Variants in IL18 observed in about 807,000 individuals in gnomAD.
IL18 encodes the protein interleukin 18, also known as interleukin-18.
Under a neutral mutation model 14.2 loss-of-function variants are expected in IL18, and 8 were observed. The ratio of observed to expected loss-of-function variants is 0.56; its 90% CI spans 0.33 to 1.01. The LOEUF (loss-of-function observed/expected upper bound fraction) is 1.01. IL18 is among the 50% of genes least tolerant of loss of function. The pLI is 0.03. For synonymous variants in IL18, 67 were observed against 71.0 expected, an observed-to-expected ratio of 0.94 and a Z score of 0.28; for missense variants, 166 against 231.1, an observed-to-expected ratio of 0.72 and a Z score of 1.83.
rs536102622 is a variant in IL18 at position 112,161,569 on chromosome 11, C to T, written c.-9+2337G>A. On this transcript the variant is annotated intron_variant, in intron 1 of 5. Coordinates refer to ENST00000280357, the MANE Select transcript of IL18 (RefSeq NM_001562.4). ...ATACCAGCACTTTGGGAGGCCGAGG[C>T]GGCTGGATCACTTGAGGTCAGGAGT... 3.9e-4 allele frequency among the ~76,000 whole-genome samples: 59 copies of T among 152,270 alleles called. 1 individual carries two copies. Among genetic ancestry groups the T allele is most frequent in the East Asian group, 9.7e-4 (5 of 5,178 alleles).
At chr11:112,155,808 C>G (rs1022492664) in intron 1 of IL18, among the ~76,000 whole-genome samples, 1 of 152,106 alleles carries the variant, frequency 6.6e-6, no homozygotes, top group South Asian at 2.1e-4. Flanking sequence ...TAGGAGTTCT[C>G]AGTGTGAGAA....
At chr11:112,145,696 G>A (rs1271259247) in intron 5 of IL18, among the ~76,000 whole-genome samples, 1 of 151,770 alleles carries the variant, frequency 6.6e-6, no homozygotes, top group Non-Finnish European at 1.5e-5. Flanking sequence ...CTGAGATCGT[G>A]CCACTGCACT....
Position 112,143,558 on chromosome 11 carries a change from A to G in IL18, c.*38T>C, listed in dbSNP as rs1230501865. The G allele has an allele frequency of 7.2e-7, 1 of 1,396,978 alleles. No homozygotes were observed. The highest frequency in any genetic ancestry group is 1.0e-6 in the Non-Finnish European group (1 of 999,750). The allele number at this position is 1,396,978 out of a possible 1,614,324, so 86.5% of individuals were successfully genotyped here. A position where few individuals can be genotyped will look rare whatever the true frequency, so the allele number is the denominator to read the frequency against. On this transcript the variant is annotated 3_prime_UTR_variant, in exon 6 of 6. Transcript: ENST00000280357. ...CAGCCTCCCAAAGGGCTGGGATTAC[A>G]GGCGTGAGCCACTGCGCCCGGCATG...
At chr11:112,144,747 C>T (rs1049583985) in intron 5 of IL18, among the ~76,000 whole-genome samples, 1 of 152,244 alleles carries the variant, frequency 6.6e-6, no homozygotes, top group African/African-American at 2.4e-5. Context: ...CTGCCAAGCA[C>T]TCCAGTTCCA....
chr11:112,148,796 G>A lies in IL18; in HGVS notation c.227-60C>T, dbSNP rs141025779. Reference sequence around the variant, plus strand: ...GAAGAATTCTTGCACAGGAACATTTGCGGAAATTTAACCAAAGGATAGTCC... The same window carrying A: ...GAAGAATTCTTGCACAGGAACATTTACGGAAATTTAACCAAAGGATAGTCC... On this transcript the variant is annotated intron_variant, in intron 4 of 5. Transcript: ENST00000280357. 1.0e-3 allele frequency: 1,181 copies of A among 1,168,170 alleles called. 35 individuals carry two copies. In the Admixed American group the frequency reaches 0.037, roughly 37 times the overall value. 72.4% of individuals were successfully genotyped at this position (1,168,170 alleles called of 1,614,324 possible).
chr11:112,162,794 T>C (rs923605187), intron 1 of IL18, among the ~76,000 whole-genome samples: 3 of 152,168 alleles, frequency 2.0e-5, no homozygotes, highest in Non-Finnish European at 4.4e-5. Context: ...TAAAAAGTTA[T>C]TTTGAAGGAA....
At chr11:112,155,973 T>C (rs1043421037) in intron 1 of IL18, among the ~76,000 whole-genome samples, 1 of 152,224 alleles carries the variant, frequency 6.6e-6, no homozygotes, top group Non-Finnish European at 1.5e-5. Context: ...TTTTCTGTTG[T>C]GCTACAATTA....
chr11:112,161,780 A>G (rs762907621), intron 1 of IL18, among the ~76,000 whole-genome samples: 26 of 152,202 alleles, frequency 1.7e-4, no homozygotes, highest in Admixed American at 1.7e-3. Flanking sequence ...AGCCTGGGTG[A>G]CACAGCAGGG....
intron 2 of IL18, among the ~76,000 whole-genome samples, chr11:112,154,216 A>G (rs1866494224): frequency 6.6e-6 from 1 of 152,142 alleles, no homozygotes; most frequent in African/African-American, 2.4e-5. Flanking sequence ...TTGTTCACAG[A>G]AGATTAATCA....
intron 1 of IL18, 69 bp downstream of exon 1, chr11:112,163,827 CCTCTCAATTG>C: frequency 6.6e-6 from 1 of 152,436 alleles, no homozygotes; most frequent in East Asian, 1.9e-4. Context: ...GGTTTATATT[CCTCTCAATTG>C]CTTTCTAGCT....
intron 5 of IL18, among the ~76,000 whole-genome samples, chr11:112,146,746 T>TCC (rs765415600): frequency 2.3e-4 from 34 of 148,524 alleles, no homozygotes; most frequent in Non-Finnish European, 3.1e-4. Context: ...CCTCACTCTC[T>TCC]CCCCCCCTCC....
chr11:112,144,418 G>T (rs5744287), intron 5 of IL18, among the ~76,000 whole-genome samples: 4,528 of 152,210 alleles, frequency 0.03, 126 homozygotes, highest in Admixed American at 0.094. Context: ...ATTTATTTTT[G>T]TAGAGAAGGG....
intron 3 of IL18, chr11:112,151,159 C>A (rs1365753760): frequency 6.6e-6 from 1 of 152,072 alleles, no homozygotes; most frequent in Non-Finnish European, 1.5e-5. Flanking sequence ...AAACTGGAAA[C>A]AAACATTCAC....
At chr11:112,154,286 A>G (rs999149512) in intron 2 of IL18, among the ~76,000 whole-genome samples, 7 of 152,140 alleles carry the variant, frequency 4.6e-5, no homozygotes, top group African/African-American at 1.7e-4. Context: ...GCACTTTGGG[A>G]GGCCGAGGCA....
At chr11:112,161,976 C>A (rs143517676) in intron 1 of IL18, among the ~76,000 whole-genome samples, 1 of 152,246 alleles carries the variant, frequency 6.6e-6, no homozygotes, top group East Asian at 1.9e-4. Flanking sequence ...GGTAGGTAGT[C>A]ATCTTGACAG....
In IL18 at chr11:112,161,261, G is replaced by T. The variant is rs187953451; in HGVS notation, c.-9+2645C>A. Among the ~76,000 whole-genome samples the T allele has an allele frequency of 3.4e-4, 51 of 152,152 alleles. 1 individual carries two copies. The East Asian group carries it at 9.6e-3, about 29-fold the overall frequency. On this transcript the variant is annotated intron_variant, in intron 1 of 5. Transcript: ENST00000280357. ...ACACATGAGTTCCAGTTTTGTCTGG[G>T]GCAAGTCACTTAATTTTAAGGGTCT...
chr11:112,155,845 A>C (rs1371214434), intron 1 of IL18, among the ~76,000 whole-genome samples: 2 of 152,186 alleles, frequency 1.3e-5, no homozygotes, highest in Non-Finnish European at 2.9e-5. Context: ...GGGGAAAAAA[A>C]TACACATGTA....
intron 3 of IL18, chr11:112,151,169 C>A (rs191846225): frequency 6.0e-4 from 92 of 152,236 alleles, no homozygotes; most frequent in African/African-American, 2.2e-3. Context: ...CAAACATTCA[C>A]CAATTAAGAA....
At chr11:112,148,377 G>GAAAAAC (rs1401799361) in intron 5 of IL18, among the ~76,000 whole-genome samples, 1 of 152,102 alleles carries the variant, frequency 6.6e-6, no homozygotes, top group Non-Finnish European at 1.5e-5. Context: ...GACAGGCTCA[G>GAAAAAC]AAAAACCATC....
Sources: allele counts gnomAD v4.1 joint callset (sites outside exome capture counted in the v4.1 genomes callset), GRCh38; gene constraint gnomAD v4.1.1; transcripts MANE v1.5; gene names NCBI Gene and HGNC (gene_info 2026-07-23, HGNC 2026-07-21).